The following PATJ variants were observed in gnomAD, a reference collection of about 807,000 sequenced individuals.
PATJ encodes inaD-like protein.
PATJ carries 190 observed loss-of-function variants against 224.9 expected under a neutral mutation model. The ratio of observed to expected loss-of-function variants is 0.84; its 90% confidence interval spans 0.75 to 0.95. The LOEUF is 0.95. PATJ is among the 40% of genes least tolerant of loss of function. PATJ has a pLI of 0.00. For missense variants in PATJ, 2,121 were observed against 2,270.3 expected, an observed-to-expected ratio of 0.93 and a Z score of 1.34; for synonymous variants, 769 against 820.3, an observed-to-expected ratio of 0.94 and a Z score of 1.07.
intron 26 of PATJ, among the ~76,000 whole-genome samples, chr1:61,923,013 A>G (rs1196383876): frequency 6.6e-6 from 1 of 152,240 alleles, no homozygotes; most frequent in Non-Finnish European, 1.5e-5. Context: ...TAAATGTGTG[A>G]TTCTTATCAA....
intron 1 of PATJ, among the ~76,000 whole-genome samples, chr1:61,761,086 C>T (rs1260295806): frequency 6.6e-6 from 1 of 152,082 alleles, no homozygotes; most frequent in Non-Finnish European, 1.5e-5. Context: ...TCAAGCGATC[C>T]TCTCACCTCA....
At chr1:62,088,448 C>A (rs1246431126) in intron 33 of PATJ, among the ~76,000 whole-genome samples, 1 of 152,098 alleles carries the variant, frequency 6.6e-6, no homozygotes, top group African/African-American at 2.4e-5. Flanking sequence ...GCCACTCTTC[C>A]CAAAGAAGTC....
intron 28 of PATJ, among the ~76,000 whole-genome samples, chr1:62,009,810 C>T (rs1246827958): frequency 6.6e-6 from 1 of 151,994 alleles, no homozygotes; most frequent in African/African-American, 2.4e-5. Flanking sequence ...TTTGGCCAGG[C>T]CTGGTGGCTC....
rs200524832 is a variant in PATJ at position 62,084,675 on chromosome 1, C to T, written c.4377+27C>T. ...TAAGTTTCTAGAAATAAAATGTATC[C>T]ACTGTCATAGAACTAGTTGTTGAGG... On this transcript the variant is annotated intron_variant, in intron 33 of 43. Coordinates refer to ENST00000642238, the MANE Select transcript of PATJ (RefSeq NM_001350145.3). 1.9e-6 allele frequency: 3 copies of T among 1,610,462 alleles called. No individual in the cohort carries two copies. The African/African-American group carries it at 4.0e-5, about 21-fold the overall frequency.
Position 62,114,235 on chromosome 1 carries a change from C to T in PATJ, c.4644C>T (p.Ile1548=), listed in dbSNP as rs7418709. 0.12 allele frequency: 200,030 copies of T among 1,613,432 alleles called. 23,816 individuals are homozygous for T. Among genetic ancestry groups the T allele is most frequent in the East Asian group, 0.73 (32,615 of 44,826 alleles). Residue 1548 remains isoleucine, a synonymous_variant, in exon 35 of 44, where the codon ATC becomes ATT. Transcript: ENST00000642238. ...KKAGRGLGLS[I]VGKRNGSGVF... ...CTGGCCGGGGCCTGGGCCTGAGCATCGTTGGGAAACGGTAAAGACGTGCTG... is the reference window on the plus strand; with the variant it reads ...CTGGCCGGGGCCTGGGCCTGAGCATTGTTGGGAAACGGTAAAGACGTGCTG...
At position 61,813,334 on chromosome 1, in the gene PATJ, CATATATATATATATATATATATATAT is replaced by C. The variant is rs747640923; in HGVS notation, c.1683+4824_1683+4849del. Among the ~76,000 whole-genome samples, 55 of 63,080 alleles carry C rather than the reference CATATATATATATATATATATATATAT, an allele frequency of 8.7e-4. 2 individuals are homozygous for C. The highest frequency in any genetic ancestry group is 4.4e-3 in the Admixed American group (21 of 4,720). The allele number at this position is 63,080 out of a possible 152,430, so 41.4% of individuals were successfully genotyped here. A position where few individuals can be genotyped will look rare whatever the true frequency, so the allele number is the denominator to read the frequency against. Reference sequence around the variant, plus strand: ...TCCTGATCAACCTCTATGGAATGTACATATATATATATATATATATATATATATATATATATATATATATACACACA... The same window carrying C: ...TCCTGATCAACCTCTATGGAATGTACATATATATATATATATATACACACA... On this transcript the variant is annotated intron_variant, in intron 14 of 43. Coordinates refer to ENST00000642238, the MANE Select transcript of PATJ (RefSeq NM_001350145.3).
rs142729145 is a variant in PATJ, at chr1:62,089,323, T to A, written c.4377+4675T>A. ...GTTTCCATTGAATTCCATCACTTCC[T>A]GCAAGGAATGTGAGGCTGTTTGCTA... On this transcript the variant is annotated intron_variant, in intron 33 of 43. Transcript: ENST00000642238. Among the ~76,000 whole-genome samples, 3 of 151,940 alleles carry A rather than the reference T, an allele frequency of 2.0e-5. No individual in the cohort carries two copies. The East Asian group carries it at 5.8e-4, about 29-fold the overall frequency.
chr1:61,976,944 A>G (rs1265206170), intron 27 of PATJ, among the ~76,000 whole-genome samples: 4 of 152,214 alleles, frequency 2.6e-5, no homozygotes, highest in Admixed American at 2.0e-4. Context: ...TAACTATAAT[A>G]CCATTAATTT....
At chr1:62,019,844 G>A (rs138525007) in intron 29 of PATJ, among the ~76,000 whole-genome samples, 1,969 of 152,186 alleles carry the variant, frequency 0.013, 23 homozygotes, top group Non-Finnish European at 0.022. Context: ...GTCCACAAAA[G>A]TAGTGTGTTT....
intron 18 of PATJ, among the ~76,000 whole-genome samples, chr1:61,856,692 G>A (rs939084109): frequency 2.6e-5 from 4 of 152,150 alleles, no homozygotes; most frequent in South Asian, 2.1e-4. Context: ...GGGTTCAAGC[G>A]ATTCTCCTGC....
chr1:61,802,285 G>T (rs910630769), intron 12 of PATJ, among the ~76,000 whole-genome samples: 1 of 152,114 alleles, frequency 6.6e-6, no homozygotes, highest in Non-Finnish European at 1.5e-5. Flanking sequence ...GTAGAGATGG[G>T]TTTCACCATG....
chr1:62,083,796 G>A (rs369217636), intron 32 of PATJ, among the ~76,000 whole-genome samples: 10 of 152,000 alleles, frequency 6.6e-5, no homozygotes, highest in African/African-American at 2.4e-4. Context: ...CATCTGATAT[G>A]CTCTAATTGA....
chr1:62,107,837 A>G (rs1340106243), intron 33 of PATJ, among the ~76,000 whole-genome samples: 2 of 152,168 alleles, frequency 1.3e-5, no homozygotes, highest in Non-Finnish European at 1.5e-5. Context: ...TTGTTGTCCT[A>G]ATTTTATGGC....
At chr1:61,815,421 C>G in intron 14 of PATJ, among the ~76,000 whole-genome samples, 1 of 152,210 alleles carries the variant, frequency 6.6e-6, no homozygotes, top group East Asian at 1.9e-4. Flanking sequence ...AGGGTTTTGT[C>G]TATGATCTTA....
intron 1 of PATJ, among the ~76,000 whole-genome samples, chr1:61,755,356 T>C (rs1387550872): frequency 6.6e-6 from 1 of 151,752 alleles, no homozygotes; most frequent in East Asian, 1.9e-4. Context: ...AACTTTACCA[T>C]TTTTACCTTA....
intron 23 of PATJ, among the ~76,000 whole-genome samples, chr1:61,900,192 G>A (rs1161734120): frequency 2.0e-5 from 3 of 152,144 alleles, no homozygotes; most frequent in Middle Eastern, 6.3e-3. Context: ...TCCTTTAGCT[G>A]CTCTCTGTAT....
chr1:61,977,419 A>G (rs1260638675), intron 27 of PATJ, among the ~76,000 whole-genome samples: 1 of 152,092 alleles, frequency 6.6e-6, no homozygotes, highest in Non-Finnish European at 1.5e-5. Flanking sequence ...ATTAGTGGGT[A>G]GGTGATAAGA....
chr1:61,952,378 G>A (rs1679842926), intron 27 of PATJ: 1 of 716,730 alleles, frequency 1.4e-6, no homozygotes, highest in Admixed American at 2.0e-5. Flanking sequence ...ATACCCTGAA[G>A]GGAACACAAC....
In PATJ at chr1:62,056,411, C is replaced by G. The variant is rs914439870; in HGVS notation, c.4125+5353C>G. ...AGCACAGTGGCTCCAGTTTGTAATCCCAGCTACTCAGGAGGCTGAAGTGGG... is the reference window on the plus strand; with the variant it reads ...AGCACAGTGGCTCCAGTTTGTAATCGCAGCTACTCAGGAGGCTGAAGTGGG... On this transcript the variant is annotated intron_variant, in intron 31 of 43. Transcript: ENST00000642238. Among the ~76,000 whole-genome samples the G allele has an allele frequency of 1.8e-4, 28 of 152,148 alleles. 1 individual carries two copies. The highest frequency in any genetic ancestry group is 1.1e-3 in the Admixed American group (17 of 15,286).
Sources: gnomAD v4.1 joint callset for allele counts (sites outside exome capture counted in the v4.1 genomes callset) on GRCh38, gnomAD v4.1.1 for gene constraint, MANE v1.5 for transcripts, NCBI Gene and HGNC (gene_info 2026-07-23, HGNC 2026-07-21) for gene names.